GASK1A: variants seen among roughly 807,000 people sequenced by gnomAD.
The protein encoded by GASK1A is golgi associated kinase 1A.
In GASK1A, 40 loss-of-function variants were observed where a neutral mutation model predicts 41.2. The observed-to-expected ratio is 0.97, with a 90% CI of 0.75 to 1.27. The LOEUF (loss-of-function observed/expected upper bound fraction) is 1.27, where lower values mean the gene tolerates loss of function less well. Among genes scored for constraint, GASK1A ranks in the 50% most tolerant of loss-of-function variants. The pLI is 0.00. For synonymous variants in GASK1A, 316 were observed against 307.1 expected (o/e 1.03, Z -0.30); for missense variants, 678 against 745.1 (o/e 0.91, Z 1.05).
chr3:43,050,085 A>T (rs1290322393), intron 2 of GASK1A, among the ~76,000 whole-genome samples: 21 of 151,106 alleles, frequency 1.4e-4, no homozygotes, highest in Non-Finnish European at 2.2e-4. Flanking sequence ...ACTGTCTTTT[A>T]TGTTTATCTA....
intron 2 of GASK1A, among the ~76,000 whole-genome samples, chr3:43,047,128 G>C (rs1259825004): frequency 2.0e-5 from 3 of 152,196 alleles, no homozygotes; most frequent in East Asian, 3.9e-4. Flanking sequence ...TGTGAGAAGA[G>C]GGCCATCATC....
chr3:43,056,101 C>T lies in GASK1A; in HGVS notation c.1518-75C>T, dbSNP rs112689069. The T allele has an allele frequency of 5.0e-4, 613 of 1,214,414 alleles. 4 individuals are homozygous for T. In the African/African-American group the frequency reaches 8.3e-3, roughly 16 times the overall value. 75.2% of individuals were successfully genotyped at this position (1,214,414 alleles called of 1,614,324 possible). On this transcript the variant is annotated intron_variant, in intron 4 of 4. Coordinates refer to ENST00000430121, the MANE Select transcript of GASK1A (RefSeq NM_001129908.3). ...TATGCAAGCTCTGGCCATCTGGCAT[C>T]ACCTGTTACTGAAATTCTCTGAGAT...
At chr3:43,037,280 C>G in intron 2 of GASK1A, 1 of 906,326 alleles carries the variant, frequency 1.1e-6, no homozygotes, top group South Asian at 1.3e-5. Flanking sequence ...AGCCAACTCC[C>G]CAGATGAACG....
chr3:43,020,689 G>A (rs1344967680), intron 1 of GASK1A, among the ~76,000 whole-genome samples: 1 of 152,260 alleles, frequency 6.6e-6, no homozygotes, highest in Non-Finnish European at 1.5e-5. Flanking sequence ...AGTTGGGTAG[G>A]CTGGGCCTGG....
intron 1 of GASK1A, among the ~76,000 whole-genome samples, chr3:43,008,659 C>T (rs541552675): frequency 2.4e-4 from 37 of 152,298 alleles, no homozygotes; most frequent in African/African-American, 8.9e-4. Context: ...AGGCATCTGC[C>T]CAGGAATGCT....
chr3:43,033,572 C>T lies in GASK1A; in HGVS notation c.1290+19C>T. 1.3e-6 allele frequency: 2 copies of T among 1,510,882 alleles called. No homozygotes were observed. The highest frequency in any genetic ancestry group is 2.6e-5 in the South Asian group (2 of 78,334). 93.6% of individuals were successfully genotyped at this position (1,510,882 alleles called of 1,614,324 possible). A position where few individuals can be genotyped will look rare whatever the true frequency, so the allele number is the denominator to read the frequency against. ...GTTGCAGGTAGGTGGGGTTGGGCAG[C>T]AGGGGTAGAGAGCTGCGGAGGTAGG... On this transcript the variant is annotated intron_variant, in intron 2 of 4. Coordinates refer to ENST00000430121, the MANE Select transcript of GASK1A (RefSeq NM_001129908.3).
At chr3:43,012,261 G>T (rs892488369) in intron 1 of GASK1A, among the ~76,000 whole-genome samples, 3 of 150,246 alleles carry the variant, frequency 2.0e-5, no homozygotes, top group Admixed American at 6.6e-5. Context: ...ACAGGAAGGG[G>T]CAGTGTGAGG....
chr3:42,998,643 G>A (rs2089389669), intron 1 of GASK1A, among the ~76,000 whole-genome samples: 3 of 152,166 alleles, frequency 2.0e-5, no homozygotes, highest in Admixed American at 6.5e-5. Flanking sequence ...CGGTAGGCAG[G>A]GGAGGGGGTC....
In GASK1A at chr3:43,030,875, A is replaced by T. The variant is rs140178024; in HGVS notation, c.4-1392A>T. ...TTTGAGAGAAAGCAGGGGGCTACTG[A>T]GGATGGACTTCACCTACATGTCCAC... is the stretch of plus-strand genomic sequence containing the variant. On this transcript the variant is annotated intron_variant, in intron 1 of 4. Coordinates refer to ENST00000430121, the MANE Select transcript of GASK1A (RefSeq NM_001129908.3). Among the ~76,000 whole-genome samples the T allele has an allele frequency of 1.5e-3, 228 of 152,264 alleles. 4 individuals carry two copies. The East Asian group carries it at 0.037, about 25-fold the overall frequency.
chr3:43,016,644 C>T (rs1008501068), intron 1 of GASK1A, among the ~76,000 whole-genome samples: 6 of 151,066 alleles, frequency 4.0e-5, no homozygotes, highest in Non-Finnish European at 7.4e-5. Flanking sequence ...CATGGGAAGT[C>T]ACAGGAAGGG....
intron 1 of GASK1A, among the ~76,000 whole-genome samples, chr3:43,020,364 C>T (rs562039647): frequency 3.9e-5 from 6 of 152,216 alleles, no homozygotes; most frequent in Non-Finnish European, 8.8e-5. Flanking sequence ...CTCCATTTGA[C>T]AGAAGGCTCC....
chr3:43,019,532 A>G (rs1365034516), intron 1 of GASK1A, among the ~76,000 whole-genome samples: 1 of 152,200 alleles, frequency 6.6e-6, no homozygotes, highest in Non-Finnish European at 1.5e-5. Flanking sequence ...GTCTGCTCAT[A>G]TATTCCCTTT....
chr3:42,986,344 C>T (rs1026265179), intron 1 of GASK1A, among the ~76,000 whole-genome samples: 2 of 152,144 alleles, frequency 1.3e-5, no homozygotes, highest in African/African-American at 2.4e-5. Context: ...TACAAAGGGG[C>T]AGCACAAAGG....
intron 3 of GASK1A, chr3:43,054,189 C>A: frequency 5.1e-6 from 1 of 197,254 alleles, no homozygotes; most frequent in East Asian, 1.2e-4. Context: ...GGTGCTTCCC[C>A]CGGGGAAGGG....
At chr3:42,981,894 A>G (rs900398290) in intron 1 of GASK1A, among the ~76,000 whole-genome samples, 3 of 152,112 alleles carry the variant, frequency 2.0e-5, no homozygotes, top group African/African-American at 4.8e-5. Context: ...CTTTTAATTC[A>G]TTACACTGAG....
intron 1 of GASK1A, among the ~76,000 whole-genome samples, chr3:43,006,544 TAAA>T (rs1009970686): frequency 5.3e-5 from 8 of 152,334 alleles, no homozygotes; most frequent in African/African-American, 1.9e-4. Flanking sequence ...GGTATTGTAG[TAAA>T]GAAGTCCACA....
At chr3:43,053,382 A>T (rs2089699780) in intron 2 of GASK1A, 139 bp from the exon 3 acceptor site, 1 of 938,442 alleles carries the variant, frequency 1.1e-6, no homozygotes, top group African/African-American at 1.7e-5. Flanking sequence ...AGTAATGACC[A>T]GCACAGAGAA....
intron 4 of GASK1A, chr3:43,055,943 C>T (rs1201344182): frequency 5.6e-6 from 3 of 534,102 alleles, no homozygotes; most frequent in Non-Finnish European, 1.0e-5. Flanking sequence ...CCTGGCTTCT[C>T]TGTAGGATGG....
intron 1 of GASK1A, among the ~76,000 whole-genome samples, chr3:43,015,466 TCACAGGAAGGGGCAGTGTGAAGC>T (rs1425856981): frequency 1.3e-4 from 19 of 141,210 alleles, no homozygotes; most frequent in African/African-American, 4.1e-4. Context: ...CAGTGTGAAG[TCACAGGAAGGGGCAGTGTGAAGC>T]CACAGGAAGG....
Sources: allele counts gnomAD v4.1 joint callset (sites outside exome capture counted in the v4.1 genomes callset), GRCh38; gene constraint gnomAD v4.1.1; transcripts MANE v1.5; gene names NCBI Gene and HGNC (gene_info 2026-07-23, HGNC 2026-07-21).